The following SYNJ1 variants were observed in gnomAD, a reference collection of about 807,000 sequenced individuals.
The protein encoded by SYNJ1 is synaptojanin 1.
Under a neutral mutation model 168.2 loss-of-function variants are expected in SYNJ1, and 78 were observed. The ratio of observed to expected loss-of-function variants is 0.46; its 90% CI spans 0.39 to 0.56. SYNJ1 has a LOEUF of 0.56. Ranked by LOEUF, SYNJ1 falls within the 20% of genes least tolerant of loss-of-function variation. The pLI is 0.00. For missense variants in SYNJ1, 1,303 were observed against 1,597.6 expected, an observed-to-expected ratio of 0.82 and a Z score of 3.14; for synonymous variants, 539 against 548.6, an observed-to-expected ratio of 0.98 and a Z score of 0.24.
chr21:32,727,047 C>T, intron 1 of SYNJ1, 130 bp from the exon 2 acceptor site: 1 of 1,280,620 alleles, frequency 7.8e-7, no homozygotes, highest in Non-Finnish European at 1.1e-6. Context: ...ACAGACAGCT[C>T]TGGGAGAAAA....
chr21:32,688,989 T>C (rs1601428198), intron 6 of SYNJ1, among the ~76,000 whole-genome samples: 1 of 152,344 alleles, frequency 6.6e-6, no homozygotes, highest in African/African-American at 2.4e-5. Flanking sequence ...CCAATTATAG[T>C]ATTTGCACAT....
At chr21:32,723,053 G>GTAGT (rs977756887) in intron 2 of SYNJ1, among the ~76,000 whole-genome samples, 2 of 152,218 alleles carry the variant, frequency 1.3e-5, no homozygotes, top group African/African-American at 2.4e-5. Flanking sequence ...AGCCCAGACA[G>GTAGT]TAGTATTTGT....
intron 14 of SYNJ1, chr21:32,670,967 A>C (rs992174067): frequency 2.6e-5 from 7 of 268,198 alleles, no homozygotes; most frequent in Non-Finnish European, 4.0e-5. Flanking sequence ...CAGCCCAGGG[A>C]GACTTCGGGT....
At chr21:32,719,932 T>C (rs908562810) in intron 2 of SYNJ1, among the ~76,000 whole-genome samples, 6 of 151,916 alleles carry the variant, frequency 3.9e-5, no homozygotes, top group Non-Finnish European at 8.8e-5. Context: ...GTTTGTGGCC[T>C]AGGGGTGTTG....
At position 32,640,274 on chromosome 21, in the gene SYNJ1, GA is replaced by G. The variant is rs761269283; in HGVS notation, c.3589-496del. Among the ~76,000 whole-genome samples, 26 of 151,234 alleles carry G rather than the reference GA, an allele frequency of 1.7e-4. No homozygotes were observed. The East Asian group carries it at 3.9e-3, about 23-fold the overall frequency. On this transcript the variant is annotated intron_variant, in intron 29 of 32. Transcript: ENST00000674351. The stretch of plus-strand genomic sequence containing the variant: ...ACCTGAGCAACTAGGAGACTTTGGG[GA>G]AAAAACACCCTGAGATTTGTTTTTT...
In SYNJ1 at chr21:32,727,969, C is replaced by T. The variant is rs1018738368; in HGVS notation, c.-46G>A. On this transcript the variant is annotated 5_prime_UTR_variant, in exon 1 of 33. Transcript: ENST00000674351. ...ACCTCTTCCTCCGGCTCCTCCTCCTCCTTCTCCCGCAGCCGCCGCCACAGC... is the reference window on the plus strand; with the variant it reads ...ACCTCTTCCTCCGGCTCCTCCTCCTTCTTCTCCCGCAGCCGCCGCCACAGC... 3 of 1,534,838 alleles carry T rather than the reference C, an allele frequency of 2.0e-6. No individual in the cohort carries two copies. Among genetic ancestry groups the T allele is most frequent in the East Asian group, 4.9e-5 (2 of 40,688 alleles).
chr21:32,631,141 T>C lies in SYNJ1; in HGVS notation c.*664A>G. 6.2e-7 allele frequency: 1 copy of C among 1,614,236 alleles called. No individual in the cohort carries two copies. Among genetic ancestry groups the C allele is most frequent in the African/African-American group, 1.3e-5 (1 of 75,056 alleles). ...GGCAACACACAGAAGGAGACATTTG[T>C]ACCTTTATTCCAGTCATCATTCAAT... On this transcript the variant is annotated 3_prime_UTR_variant, in exon 33 of 33. Coordinates refer to ENST00000674351, the MANE Select transcript of SYNJ1 (RefSeq NM_203446.3).
intron 2 of SYNJ1, among the ~76,000 whole-genome samples, chr21:32,717,391 C>T (rs1276214086): frequency 6.6e-6 from 1 of 152,132 alleles, no homozygotes; most frequent in Non-Finnish European, 1.5e-5. Context: ...TTTGACTTTG[C>T]TCCTTATGAG....
Position 32,650,201 on chromosome 21 carries a change from G to C in SYNJ1, c.3020C>G (p.Ala1007Gly). 1 of 1,606,034 alleles carries C rather than the reference G, an allele frequency of 6.2e-7. No individual in the cohort carries two copies. The highest frequency in any genetic ancestry group is 8.5e-7 in the Non-Finnish European group (1 of 1,177,818). ...TLLGEDAEVA[A>G]DFDMEGDVDD... The stretch of plus-strand genomic sequence containing the variant: ...AAACAAACCTTCCATATCAAAATCT[G>C]CTGCAACCTCTGCATCTTCACCAAG... Residue 1007 changes from alanine to glycine, a missense_variant, in exon 23 of 33, where the codon GCA becomes GGA. By Grantham distance (60) the Ala-to-Gly change is moderately conservative (BLOSUM62 0). This residue lies in a region of SYNJ1 where 920 missense variants were observed against 1,208.8 expected (regional missense o/e 0.76). Coordinates refer to ENST00000674351, the MANE Select transcript of SYNJ1 (RefSeq NM_203446.3).
At chr21:32,657,156 G>C in intron 19 of SYNJ1, 36 bp from the exon 20 acceptor site, 4 of 1,379,014 alleles carry the variant, frequency 2.9e-6, no homozygotes, top group Non-Finnish European at 4.1e-6. Flanking sequence ...AAGAGAAGCT[G>C]TATAAGCAGG....
At chr21:32,685,513 C>G (rs1206913592) in intron 9 of SYNJ1, among the ~76,000 whole-genome samples, 1 of 150,794 alleles carries the variant, frequency 6.6e-6, no homozygotes, top group African/African-American at 2.4e-5. Flanking sequence ...GTGAGAGGAT[C>G]TCCTGAAACC....
intron 31 of SYNJ1, among the ~76,000 whole-genome samples, chr21:32,638,571 C>T (rs1373761470): frequency 6.6e-6 from 1 of 152,072 alleles, no homozygotes; most frequent in African/African-American, 2.4e-5. Context: ...GTGGCAGGCA[C>T]CTGTAATCCC....
chr21:32,696,267 A>G lies in SYNJ1; in HGVS notation c.480-985T>C, dbSNP rs868749643. ...ATTAGATAGTGCAGGCATAGGGTTT[A>G]TCATCGCTCCAAATACTTTTAGCAT... is the stretch of plus-strand genomic sequence containing the variant. On this transcript the variant is annotated intron_variant, in intron 4 of 32. Transcript: ENST00000674351. 2.0e-5 allele frequency among the ~76,000 whole-genome samples: 3 copies of G among 152,360 alleles called. No homozygotes were observed. In the South Asian group the frequency reaches 6.2e-4, roughly 32 times the overall value.
intron 6 of SYNJ1, among the ~76,000 whole-genome samples, chr21:32,690,306 C>T (rs1310388688): frequency 1.3e-5 from 2 of 152,210 alleles, no homozygotes; most frequent in Admixed American, 1.3e-4. Context: ...CTCCTGGGCT[C>T]AAGGGATCCT....
At chr21:32,645,388 A>C (rs2040015500) in intron 25 of SYNJ1, among the ~76,000 whole-genome samples, 1 of 152,170 alleles carries the variant, frequency 6.6e-6, no homozygotes, top group South Asian at 2.1e-4. Context: ...AATTAGCAAA[A>C]ACAAAATAAA....
Position 32,687,027 on chromosome 21 carries a change from T to C in SYNJ1, c.899A>G (p.Asn300Ser). The change falls in exon 8 of 33, where the codon AAT (asparagine) becomes AGT (serine). Residue 300 changes from asparagine to serine, a missense_variant. This residue lies in a region of SYNJ1 where 920 missense variants were observed against 1,208.8 expected (regional missense o/e 0.76). Coordinates refer to ENST00000674351, the MANE Select transcript of SYNJ1 (RefSeq NM_203446.3). ...KNLYGKQIIV[N>S]LLGSKEGEHM... ...TTCACCTTCCTTAGATCCAAGCAAATTTACTATTATTTGTTTACCATATAA... is the reference window on the plus strand; with the variant it reads ...TTCACCTTCCTTAGATCCAAGCAAACTTACTATTATTTGTTTACCATATAA... 1 of 1,548,162 alleles carries C rather than the reference T, an allele frequency of 6.5e-7. No individual in the cohort carries two copies. The highest frequency in any genetic ancestry group is 8.7e-7 in the Non-Finnish European group (1 of 1,153,344).
At chr21:32,643,265 A>T in intron 27 of SYNJ1, 145 bp downstream of exon 27, 1 of 747,226 alleles carries the variant, frequency 1.3e-6, no homozygotes, top group Non-Finnish European at 2.2e-6. Context: ...AATACAAGGT[A>T]TACATAAGGA....
At chr21:32,636,182 G>A (rs1432775989) in intron 31 of SYNJ1, among the ~76,000 whole-genome samples, 1 of 152,104 alleles carries the variant, frequency 6.6e-6, no homozygotes, top group East Asian at 1.9e-4. Flanking sequence ...TTTCTACCAG[G>A]TCTCACAGTA....
At chr21:32,691,326 G>A (rs1193801727) in intron 6 of SYNJ1, among the ~76,000 whole-genome samples, 1 of 152,154 alleles carries the variant, frequency 6.6e-6, no homozygotes, top group Non-Finnish European at 1.5e-5. Flanking sequence ...CACCATGTGA[G>A]ACTCCTCGCT....
Sources: gnomAD v4.1 joint callset for allele counts (sites outside exome capture counted in the v4.1 genomes callset) on GRCh38, gnomAD v4.1.1 for gene constraint, gnomAD v4.1.1 regional missense constraint, MANE v1.5 for transcripts, NCBI Gene and HGNC (gene_info 2026-07-23, HGNC 2026-07-21) for gene names.